The following ZNF804A variants were observed in gnomAD, a reference collection of about 807,000 sequenced individuals.
ZNF804A encodes the protein zinc finger protein 804A.
A neutral mutation model predicts 16.5 loss-of-function variants in ZNF804A; 2 were observed. The ratio of observed to expected loss-of-function variants is 0.12; its 90% CI spans 0.05 to 0.38. The LOEUF (loss-of-function observed/expected upper bound fraction) is 0.38. ZNF804A is among the 10% of genes least tolerant of loss of function. The probability of loss-of-function intolerance (pLI) is 0.99; values close to 1 mark genes in which losing one functional copy is unlikely to be tolerated. For missense variants in ZNF804A, 1,473 were observed against 1,390.7 expected, an observed-to-expected ratio of 1.06 and a Z score of -0.94; for synonymous variants, 534 against 489.6, an observed-to-expected ratio of 1.09 and a Z score of -1.20.
chr2:184,679,448 G>T (rs550438579), intron 1 of ZNF804A, among the ~76,000 whole-genome samples: 5 of 152,120 alleles, frequency 3.3e-5, no homozygotes, highest in Non-Finnish European at 5.9e-5. Flanking sequence ...TTATGAGTTG[G>T]TGGGGCAGGA....
chr2:184,703,709 A>AAAAGAAAGAAAG (rs1553529082), intron 1 of ZNF804A, among the ~76,000 whole-genome samples: 1 of 131,366 alleles, frequency 7.6e-6, no homozygotes. Flanking sequence ...AAAAAAAAAA[A>AAAAGAAAGAAAG]AAAGAAAGAA....
chr2:184,839,582 C>T (rs1305466589), intron 1 of ZNF804A, among the ~76,000 whole-genome samples: 1 of 151,858 alleles, frequency 6.6e-6, no homozygotes, highest in African/African-American at 2.4e-5. Context: ...TCAAGAAAGG[C>T]CATAGCATAA....
intron 1 of ZNF804A, among the ~76,000 whole-genome samples, chr2:184,763,434 A>G (rs1035295293): frequency 6.6e-6 from 1 of 152,014 alleles, no homozygotes; most frequent in Admixed American, 6.6e-5. Context: ...TTGTTCTTCT[A>G]TGAAGTATAT....
chr2:184,756,279 G>A (rs970403487), intron 1 of ZNF804A, among the ~76,000 whole-genome samples: 6 of 151,668 alleles, frequency 4.0e-5, no homozygotes, highest in African/African-American at 9.7e-5. Flanking sequence ...ATGGGATCTT[G>A]CTATGTTGCC....
chr2:184,721,475 A>T (rs776548875), intron 1 of ZNF804A, among the ~76,000 whole-genome samples: 3 of 151,646 alleles, frequency 2.0e-5, no homozygotes, highest in African/African-American at 7.3e-5. Flanking sequence ...CAGGTATATA[A>T]AAAAAAATGC....
intron 2 of ZNF804A, among the ~76,000 whole-genome samples, chr2:184,925,695 T>C (rs1466750727): frequency 6.6e-6 from 1 of 151,928 alleles, no homozygotes; most frequent in Admixed American, 6.6e-5. Context: ...TTATTTTTAT[T>C]TGTTGTGTTT....
intron 1 of ZNF804A, among the ~76,000 whole-genome samples, chr2:184,847,274 G>C (rs1387783594): frequency 6.6e-6 from 1 of 151,158 alleles, no homozygotes; most frequent in Non-Finnish European, 1.5e-5. Flanking sequence ...TTGCATTTCT[G>C]TGGAATCTTT....
intron 1 of ZNF804A, among the ~76,000 whole-genome samples, chr2:184,821,393 C>T (rs925351653): frequency 6.6e-6 from 1 of 152,088 alleles, no homozygotes; most frequent in Non-Finnish European, 1.5e-5. Context: ...CCCTTTCTTA[C>T]ACTTTATACA....
At chr2:184,646,185 C>T (rs1358058671) in intron 1 of ZNF804A, among the ~76,000 whole-genome samples, 1 of 152,142 alleles carries the variant, frequency 6.6e-6, no homozygotes, top group Non-Finnish European at 1.5e-5. Context: ...GATTCGAGTG[C>T]CATATCTGGA....
At chr2:184,608,102 C>T (rs1309094227) in intron 1 of ZNF804A, among the ~76,000 whole-genome samples, 5 of 150,956 alleles carry the variant, frequency 3.3e-5, no homozygotes, top group Non-Finnish European at 5.9e-5. Flanking sequence ...CCCGCCACTA[C>T]GCCCGGCTAA....
At chr2:184,866,576 G>A (rs908285789) in intron 2 of ZNF804A, 64 bp downstream of exon 2, 1 of 1,390,788 alleles carries the variant, frequency 7.2e-7, no homozygotes, top group Non-Finnish European at 9.8e-7. Flanking sequence ...TAATTGTGTA[G>A]ACTCTATGAA....
intron 2 of ZNF804A, among the ~76,000 whole-genome samples, chr2:184,930,216 A>G (rs1004691887): frequency 1.3e-5 from 2 of 152,176 alleles, no homozygotes; most frequent in African/African-American, 2.4e-5. Context: ...AAAATTTATG[A>G]GCAAAATATT....
chr2:184,612,119 T>G (rs1691247821), intron 1 of ZNF804A, among the ~76,000 whole-genome samples: 1 of 152,174 alleles, frequency 6.6e-6, no homozygotes, highest in Non-Finnish European at 1.5e-5. Flanking sequence ...GAGTACATTA[T>G]TAACCAAAAT....
chr2:184,862,781 G>T (rs1305776431), intron 1 of ZNF804A, among the ~76,000 whole-genome samples: 1 of 151,932 alleles, frequency 6.6e-6, no homozygotes, highest in Non-Finnish European at 1.5e-5. Flanking sequence ...CATAGAAGAT[G>T]GTAATATATG....
chr2:184,642,720 C>A (rs1048962234), intron 1 of ZNF804A, among the ~76,000 whole-genome samples: 7 of 152,088 alleles, frequency 4.6e-5, no homozygotes, highest in African/African-American at 1.7e-4. Flanking sequence ...ACGTTTTATA[C>A]CCACATTTTA....
At chr2:184,797,592 T>G (rs1462405776) in intron 1 of ZNF804A, among the ~76,000 whole-genome samples, 1 of 152,150 alleles carries the variant, frequency 6.6e-6, no homozygotes, top group Non-Finnish European at 1.5e-5. Context: ...TCTGCCTCTT[T>G]TAAGTGGAGC....
At chr2:184,921,345 G>A (rs1685526860) in intron 2 of ZNF804A, among the ~76,000 whole-genome samples, 1 of 151,792 alleles carries the variant, frequency 6.6e-6, no homozygotes, top group South Asian at 2.1e-4. Flanking sequence ...TTTTTACCTT[G>A]GTATCAGGAA....
At chr2:184,704,906 T>C (rs1315773129) in intron 1 of ZNF804A, among the ~76,000 whole-genome samples, 1 of 152,164 alleles carries the variant, frequency 6.6e-6, no homozygotes, top group African/African-American at 2.4e-5. Context: ...CTGTTTCTCA[T>C]GGAAAGAAAG....
intron 1 of ZNF804A, among the ~76,000 whole-genome samples, chr2:184,622,682 G>A (rs1559110677): frequency 6.6e-6 from 1 of 151,738 alleles, no homozygotes; most frequent in East Asian, 1.9e-4. Flanking sequence ...GATGTTAAAT[G>A]TATAAAAACA....
Sources: allele counts gnomAD v4.1 joint callset (sites outside exome capture counted in the v4.1 genomes callset), GRCh38; gene constraint gnomAD v4.1.1; transcripts MANE v1.5; gene names NCBI Gene and HGNC (gene_info 2026-07-23, HGNC 2026-07-21).